The following WWOX variants were observed in gnomAD, a reference collection of about 807,000 sequenced individuals.
WWOX encodes the protein WW domain containing oxidoreductase, also known as WW domain-containing oxidoreductase.
A neutral mutation model predicts 46.2 loss-of-function variants in WWOX; 69 were observed. That is an observed-to-expected ratio of 1.49 (90% CI 1.23 to 1.82). WWOX has a LOEUF of 1.82. Among genes scored for constraint, WWOX ranks in the 40% most tolerant of loss-of-function variants. The probability of loss-of-function intolerance (pLI) is 0.00; values close to 1 mark genes in which losing one functional copy is unlikely to be tolerated. For missense variants in WWOX, 919 were observed against 542.6 expected (o/e 1.69, Z -6.89); for synonymous variants, 359 against 202.6 (o/e 1.77, Z -6.56).
intron 8 of WWOX, among the ~76,000 whole-genome samples, chr16:79,176,760 C>G (rs980693348): frequency 6.6e-6 from 1 of 152,092 alleles, no homozygotes; most frequent in African/African-American, 2.4e-5. Flanking sequence ...TGTATTTTCT[C>G]ATAATATAGA....
chr16:78,229,879 C>CT (rs2037195969), intron 5 of WWOX, among the ~76,000 whole-genome samples: 1 of 151,916 alleles, frequency 6.6e-6, no homozygotes, highest in African/African-American at 2.4e-5. Context: ...AGTTCAACAT[C>CT]TTTCTTTCTT....
chr16:78,427,463 C>T (rs8055647), intron 7 of WWOX, among the ~76,000 whole-genome samples: 20,092 of 152,006 alleles, frequency 0.13, 1,677 homozygotes, highest in African/African-American at 0.22. Context: ...GTTGAACAAC[C>T]CTCAATGGCT....
intron 8 of WWOX, among the ~76,000 whole-genome samples, chr16:79,167,672 T>A (rs544728047): frequency 6.6e-6 from 1 of 152,340 alleles, no homozygotes; most frequent in South Asian, 2.1e-4. Context: ...GAGATTCAAA[T>A]TCAGGCCACA....
At chr16:78,803,863 T>G (rs1409240651) in intron 8 of WWOX, among the ~76,000 whole-genome samples, 1 of 152,112 alleles carries the variant, frequency 6.6e-6, no homozygotes, top group Non-Finnish European at 1.5e-5. Context: ...GCTCAAAAAT[T>G]GAGTACTGCT....
chr16:78,757,485 T>C (rs1364567329), intron 8 of WWOX, among the ~76,000 whole-genome samples: 1 of 152,168 alleles, frequency 6.6e-6, no homozygotes, highest in Non-Finnish European at 1.5e-5. Context: ...TCTAGGACCC[T>C]GGCTGCATGA....
intron 8 of WWOX, among the ~76,000 whole-genome samples, chr16:79,063,336 A>C (rs1483067908): frequency 6.6e-6 from 1 of 152,182 alleles, no homozygotes; most frequent in African/African-American, 2.4e-5. Flanking sequence ...CCGAAATCGG[A>C]ATATTTCCTG....
chr16:78,424,795 G>C, intron 6 of WWOX, 75 bp from the exon 7 acceptor site: 1 of 1,545,052 alleles, frequency 6.5e-7, no homozygotes, highest in East Asian at 2.2e-5. Context: ...ACATCACGTG[G>C]ATTCCCGAAG....
chr16:78,857,719 C>T (rs2052599420), intron 8 of WWOX, among the ~76,000 whole-genome samples: 1 of 152,148 alleles, frequency 6.6e-6, no homozygotes, highest in African/African-American at 2.4e-5. Flanking sequence ...CTAGTAGTAA[C>T]ATTATAATAA....
rs1457485323 is a variant in WWOX at position 78,723,781 on chromosome 16, A to G, written c.1056+291029A>G. ...CCACCTCTGCCAAGGTCAAAAATGG[A>G]ACTTGCTTCTTGTTCTCGTATCACT... On this transcript the variant is annotated intron_variant, in intron 8 of 8. Transcript: ENST00000566780. Among the ~76,000 whole-genome samples, 3 of 151,966 alleles carry G rather than the reference A, an allele frequency of 2.0e-5. 1 individual carries two copies. In the South Asian group the frequency reaches 6.2e-4, roughly 31 times the overall value.
At chr16:78,159,165 T>C (rs1017008255) in intron 4 of WWOX, among the ~76,000 whole-genome samples, 1 of 149,978 alleles carries the variant, frequency 6.7e-6, no homozygotes, top group East Asian at 2.0e-4. Flanking sequence ...GTGTGTGTGT[T>C]TGTGTGTGTG....
chr16:78,807,650 A>G lies in WWOX; in HGVS notation c.1056+374898A>G, dbSNP rs1223032176. 2.6e-5 allele frequency among the ~76,000 whole-genome samples: 4 copies of G among 152,222 alleles called. No individual in the cohort carries two copies. In the South Asian group the frequency reaches 8.3e-4, roughly 32 times the overall value. On this transcript the variant is annotated intron_variant, in intron 8 of 8. Coordinates refer to ENST00000566780, the MANE Select transcript of WWOX (RefSeq NM_016373.4). ...GGCTTATGGAAAGAAATATTCTCTT[A>G]GATTGAAGGGCGCCAGCCTGTAATG...
intron 8 of WWOX, among the ~76,000 whole-genome samples, chr16:78,572,647 A>G (rs1483689402): frequency 1.3e-5 from 2 of 151,142 alleles, no homozygotes; most frequent in African/African-American, 4.9e-5. Flanking sequence ...AGGAGAATAT[A>G]TACAGTATGA....
At chr16:78,380,804 C>A (rs2081938932) in intron 5 of WWOX, among the ~76,000 whole-genome samples, 1 of 151,934 alleles carries the variant, frequency 6.6e-6, no homozygotes, top group East Asian at 1.9e-4. Context: ...CCCAAACCAC[C>A]CCCTGAAAAA....
chr16:79,009,651 A>T (rs923392006), intron 8 of WWOX, among the ~76,000 whole-genome samples: 1 of 152,078 alleles, frequency 6.6e-6, no homozygotes, highest in Non-Finnish European at 1.5e-5. Flanking sequence ...AGGTTTCCCC[A>T]TGTTGGCCAG....
chr16:78,722,940 G>A (rs933257010), intron 8 of WWOX, among the ~76,000 whole-genome samples: 1 of 152,088 alleles, frequency 6.6e-6, no homozygotes, highest in Non-Finnish European at 1.5e-5. Flanking sequence ...TACTTGGGAG[G>A]CTGAGGCAGG....
At chr16:78,724,748 A>T (rs574436943) in intron 8 of WWOX, among the ~76,000 whole-genome samples, 1 of 152,002 alleles carries the variant, frequency 6.6e-6, no homozygotes, top group Admixed American at 6.6e-5. Flanking sequence ...CATCTCCTGA[A>T]CCCTGAAGGA....
chr16:78,473,394 T>G (rs1262610291), intron 8 of WWOX, among the ~76,000 whole-genome samples: 1 of 151,972 alleles, frequency 6.6e-6, no homozygotes, highest in South Asian at 2.1e-4. Context: ...CCTCCCAAAG[T>G]GCTAGGATTA....
intron 8 of WWOX, among the ~76,000 whole-genome samples, chr16:78,762,951 A>T (rs530330668): frequency 6.6e-6 from 1 of 152,222 alleles, no homozygotes; most frequent in Non-Finnish European, 1.5e-5. Context: ...AACAATCACA[A>T]CAAAAGGCTG....
At chr16:78,315,864 C>G (rs910190493) in intron 5 of WWOX, among the ~76,000 whole-genome samples, 4 of 152,006 alleles carry the variant, frequency 2.6e-5, no homozygotes, top group Non-Finnish European at 5.9e-5. Context: ...ACCAAAAATT[C>G]CCAGCCACAG....
Sources: allele counts gnomAD v4.1 joint callset (sites outside exome capture counted in the v4.1 genomes callset), GRCh38; gene constraint gnomAD v4.1.1; transcripts MANE v1.5; gene names NCBI Gene and HGNC (gene_info 2026-07-23, HGNC 2026-07-21).